The following ZFHX4 variants were observed in gnomAD, a reference collection of about 807,000 sequenced individuals.
The protein encoded by ZFHX4 is zinc finger homeobox protein 4.
In ZFHX4, 56 loss-of-function variants were observed where a neutral mutation model predicts 267.6. The observed-to-expected ratio is 0.21, with a 90% CI of 0.17 to 0.26. ZFHX4 has a LOEUF of 0.26. ZFHX4 is among the 10% of genes least tolerant of loss of function. ZFHX4 has a pLI of 1.00. For missense variants in ZFHX4, 4,332 were observed against 4,420.0 expected (o/e 0.98, Z 0.56); for synonymous variants, 1,778 against 1,665.6 (o/e 1.07, Z -1.64).
chr8:76,709,112 C>G (rs776788081), intron 3 of ZFHX4, among the ~76,000 whole-genome samples: 1 of 152,114 alleles, frequency 6.6e-6, no homozygotes, highest in Non-Finnish European at 1.5e-5. Flanking sequence ...AAAATTATAA[C>G]CACACATGAA....
At chr8:76,847,109 A>G (rs1164024701) in intron 6 of ZFHX4, among the ~76,000 whole-genome samples, 3 of 152,200 alleles carry the variant, frequency 2.0e-5, no homozygotes, top group Non-Finnish European at 4.4e-5. Context: ...ATGATTTTAT[A>G]CAACTTGGTT....
At chr8:76,712,219 G>A (rs1403827912) in intron 3 of ZFHX4, among the ~76,000 whole-genome samples, 1 of 152,134 alleles carries the variant, frequency 6.6e-6, no homozygotes, top group Non-Finnish European at 1.5e-5. Context: ...TTCCCCCGTG[G>A]AGCATTTTTT....
chr8:76,770,877 T>G, intron 3 of ZFHX4, among the ~76,000 whole-genome samples: 1 of 151,952 alleles, frequency 6.6e-6, no homozygotes, highest in East Asian at 1.9e-4. Flanking sequence ...ATAGTTGGAG[T>G]AAAGACAGCA....
intron 6 of ZFHX4, 35 bp downstream of exon 6, chr8:76,842,806 C>G (rs1563553273): frequency 6.9e-7 from 1 of 1,448,012 alleles, no homozygotes; most frequent in Admixed American, 2.0e-5. Context: ...CGGCATTTCC[C>G]TATACCCATT....
intron 1 of ZFHX4, among the ~76,000 whole-genome samples, chr8:76,692,459 A>G (rs888361220): frequency 1.3e-5 from 2 of 152,302 alleles, no homozygotes; most frequent in Middle Eastern, 3.4e-3. Flanking sequence ...AACCTAGAGA[A>G]GAGATCCAGT....
chr8:76,839,087 G>T (rs1812168486), intron 5 of ZFHX4, among the ~76,000 whole-genome samples: 1 of 145,048 alleles, frequency 6.9e-6, no homozygotes, highest in Non-Finnish European at 1.5e-5. Flanking sequence ...GAGAGAGAGA[G>T]AGAGAGAGAG....
At position 76,705,882 on chromosome 8, in the gene ZFHX4, T is replaced by C. The variant is rs747099494; in HGVS notation, c.1794T>C (p.Pro598=). The C allele has an allele frequency of 6.2e-7, 1 of 1,613,540 alleles. No homozygotes were observed. Among genetic ancestry groups the C allele is most frequent in the Non-Finnish European group, 8.5e-7 (1 of 1,179,868 alleles). Residue 598 remains proline (P), a synonymous_variant, in exon 2 of 11, where the codon CCT becomes CCC. Transcript: ENST00000651372. ...AGCATGGCTTTACCCCGAGTACTCC[T>C]GGCACACCAGGGCCTGGAGGAGACG... ...PHQHGFTPST[P]GTPGPGGDGS...
chr8:76,762,080 T>C (rs1333690038), intron 3 of ZFHX4, among the ~76,000 whole-genome samples: 1 of 152,170 alleles, frequency 6.6e-6, no homozygotes, highest in Non-Finnish European at 1.5e-5. Flanking sequence ...CAGATTGAGT[T>C]GCTTTACAAG....
chr8:76,717,551 G>A (rs11787532), intron 3 of ZFHX4, among the ~76,000 whole-genome samples: 1 of 152,018 alleles, frequency 6.6e-6, no homozygotes, highest in African/African-American at 2.4e-5. Flanking sequence ...ATGGAAACTC[G>A]CAATAACTAT....
In ZFHX4 at chr8:76,866,498, C is replaced by T. The variant is rs1358468470; in HGVS notation, c.*1933C>T. 6.7e-6 allele frequency: 1 copy of T among 149,256 alleles called. No individual in the cohort carries two copies. The highest frequency in any genetic ancestry group is 6.7e-5 in the Admixed American group (1 of 14,934). 9.2% of individuals were successfully genotyped at this position (149,256 alleles called of 1,614,324 possible). A position where few individuals can be genotyped will look rare whatever the true frequency, so the allele number is the denominator to read the frequency against. On this transcript the variant is annotated 3_prime_UTR_variant, in exon 11 of 11. Coordinates refer to ENST00000651372, the MANE Select transcript of ZFHX4 (RefSeq NM_024721.5). ...TTAGTATTTTAACATTTATTTTAAT[C>T]CTGAAGACACTTTTTTGATTGTGTT...
chr8:76,816,425 C>A (rs952485709), intron 4 of ZFHX4, among the ~76,000 whole-genome samples: 4 of 152,042 alleles, frequency 2.6e-5, no homozygotes, highest in African/African-American at 4.8e-5. Context: ...ACCTGCATAT[C>A]ACTTCTCATA....
intron 3 of ZFHX4, among the ~76,000 whole-genome samples, chr8:76,746,683 A>C (rs773875055): frequency 6.6e-6 from 1 of 151,942 alleles, no homozygotes; most frequent in Non-Finnish European, 1.5e-5. Context: ...TCCAGAAATA[A>C]CATTTTGCAG....
rs766440768 is a variant in ZFHX4, at chr8:76,855,600, T to G, written c.8679T>G (p.Asp2893Glu). 20 of 1,613,832 alleles carry G rather than the reference T, an allele frequency of 1.2e-5. 1 individual carries two copies. In the South Asian group the frequency reaches 2.2e-4, roughly 18 times the overall value. ...DQSFYITDDP[D>E]DNADRSETSS... ...GCTTTTACATCACAGATGACCCGGATGACAACGCCGACCGCAGCGAAACGT... is the reference window on the plus strand; with the variant it reads ...GCTTTTACATCACAGATGACCCGGAGGACAACGCCGACCGCAGCGAAACGT... Residue 2893 changes from aspartate to glutamate, a missense_variant, in exon 10 of 11, where the codon GAT becomes GAG. Physicochemically the swap from Asp to Glu is conservative, Grantham distance 45 (BLOSUM62 2). Around this residue, in one of 7 missense-constraint regions of ZFHX4, gnomAD observed 1,648 missense variants for 1,625.0 expected, o/e 1.01. Coordinates refer to ENST00000651372, the MANE Select transcript of ZFHX4 (RefSeq NM_024721.5).
At chr8:76,774,193 A>G (rs1034736845) in intron 3 of ZFHX4, among the ~76,000 whole-genome samples, 3 of 152,110 alleles carry the variant, frequency 2.0e-5, no homozygotes, top group African/African-American at 7.2e-5. Context: ...CTTTGTCTGA[A>G]GTGGCATTTA....
intron 3 of ZFHX4, among the ~76,000 whole-genome samples, chr8:76,715,501 A>G (rs990561256): frequency 7.9e-5 from 12 of 150,982 alleles, no homozygotes; most frequent in African/African-American, 1.5e-4. Context: ...AAAAAAAAAA[A>G]AAAAAAAGAA....
chr8:76,736,860 A>T (rs1809173045), intron 3 of ZFHX4, among the ~76,000 whole-genome samples: 1 of 152,134 alleles, frequency 6.6e-6, no homozygotes, highest in Admixed American at 6.6e-5. Context: ...TAATTGTAGG[A>T]GTAGTCCTGA....
chr8:76,826,933 CAAACAAAGGCTATTAT>C (rs1001814186), intron 4 of ZFHX4, among the ~76,000 whole-genome samples: 3 of 152,194 alleles, frequency 2.0e-5, no homozygotes, highest in African/African-American at 7.2e-5. Flanking sequence ...GTGCTCAGCA[CAAACAAAGGCTATTAT>C]TGGGTGGAAG....
intron 1 of ZFHX4, among the ~76,000 whole-genome samples, chr8:76,698,939 G>A (rs538176673): frequency 4.6e-5 from 7 of 151,980 alleles, no homozygotes; most frequent in African/African-American, 1.5e-4. Context: ...ATTTTCTCTC[G>A]TGCTGGGAAG....
chr8:76,850,045 CATA>C, intron 8 of ZFHX4, 197 bp from the exon 9 acceptor site: 137 of 580,936 alleles, frequency 2.4e-4, no homozygotes, highest in Middle Eastern at 7.6e-4. Flanking sequence ...ACCTTTAAGC[CATA>C]ATAATAATAA....
Sources: gnomAD v4.1 joint callset for allele counts (sites outside exome capture counted in the v4.1 genomes callset) on GRCh38, gnomAD v4.1.1 for gene constraint, gnomAD v4.1.1 regional missense constraint, MANE v1.5 for transcripts, NCBI Gene and HGNC (gene_info 2026-07-23, HGNC 2026-07-21) for gene names.